The following RREB1 variants were observed in gnomAD, a reference collection of about 807,000 sequenced individuals.
The protein encoded by RREB1 is ras-responsive element-binding protein 1.
In RREB1, 27 loss-of-function variants were observed where a neutral mutation model predicts 117.8. The observed-to-expected ratio is 0.23, with a 90% CI of 0.17 to 0.32. The LOEUF (loss-of-function observed/expected upper bound fraction) is 0.32, where lower values mean the gene tolerates loss of function less well. RREB1 is among the 10% of genes least tolerant of loss of function. The probability of loss-of-function intolerance (pLI) is 1.00; values close to 1 mark genes in which losing one functional copy is unlikely to be tolerated. For missense variants in RREB1, 2,577 were observed against 2,378.2 expected (o/e 1.08, Z -1.74); for synonymous variants, 1,298 against 1,026.7 (o/e 1.26, Z -5.05).
At chr6:7,215,707 GTA>G (rs1766858993) in intron 8 of RREB1, 1 of 152,200 alleles carries the variant, frequency 6.6e-6, no homozygotes, top group South Asian at 2.1e-4. Flanking sequence ...GAGTATACCA[GTA>G]TCATCAAAAT....
chr6:7,225,075 G>C (rs566080393), intron 8 of RREB1, among the ~76,000 whole-genome samples: 1 of 152,178 alleles, frequency 6.6e-6, no homozygotes, highest in Admixed American at 6.5e-5. Flanking sequence ...CAGCTGCTTC[G>C]TGGCTGACTT....
At chr6:7,108,406 C>T (rs1561717968) in intron 1 of RREB1, among the ~76,000 whole-genome samples, 1 of 152,040 alleles carries the variant, frequency 6.6e-6, no homozygotes, top group Non-Finnish European at 1.5e-5. Context: ...GCGCGAGCCG[C>T]CGCAGCGCCC....
At chr6:7,242,648 C>CT (rs1561806223) in intron 11 of RREB1, among the ~76,000 whole-genome samples, 2 of 151,326 alleles carry the variant, frequency 1.3e-5, no homozygotes, top group African/African-American at 2.4e-5. Context: ...GGGTTCCCCC[C>CT]CCCCAGTGAA....
chr6:7,159,768 C>G (rs1763557717), intron 1 of RREB1, among the ~76,000 whole-genome samples: 1 of 152,176 alleles, frequency 6.6e-6, no homozygotes. Flanking sequence ...AGGATTAAAT[C>G]TGCTGAGGGT....
At chr6:7,223,223 C>A (rs1353925165) in intron 8 of RREB1, among the ~76,000 whole-genome samples, 1 of 144,526 alleles carries the variant, frequency 6.9e-6, no homozygotes, top group African/African-American at 2.6e-5. Flanking sequence ...TGCCACTGCA[C>A]TGCAGCCTGG....
chr6:7,231,425 C>G lies in RREB1; in HGVS notation c.3326C>G (p.Pro1109Arg). The change falls in exon 10 of 13, where the codon CCC becomes CGC. Residue 1109 changes from proline (P) to arginine (R), a missense_variant. Transcript: ENST00000379938. ...TCAGACAGCTTAGGAGGTTCTGTCC[C>G]CAAAGCCGCCACCACCGCCACCCCC... Reference protein sequence around the residue: ...TASDSLGGSVPKAATTATPAA... With the variant: ...TASDSLGGSVRKAATTATPAA... 6.2e-7 allele frequency: 1 copy of G among 1,613,272 alleles called. No homozygotes were observed. The highest frequency in any genetic ancestry group is 8.5e-7 in the Non-Finnish European group (1 of 1,179,874).
Position 7,164,372 on chromosome 6 carries a change from CTCCTT to C in RREB1, c.-284-12277_-284-12273del, listed in dbSNP as rs143745299. Among the ~76,000 whole-genome samples the C allele has an allele frequency of 3.5e-3, 530 of 152,314 alleles. 4 individuals carry two copies. Among genetic ancestry groups the C allele is most frequent in the African/African-American group, 0.012 (509 of 41,566 alleles). On this transcript the variant is annotated intron_variant, in intron 1 of 12. Coordinates refer to ENST00000379938, the MANE Select transcript of RREB1 (RefSeq NM_001003699.4). ...GGTAGGTATTTGGGCAAGGAAATTT[CTCCTT>C]TCCTTAATTGATTTTAGGAAGATCT...
intron 12 of RREB1, among the ~76,000 whole-genome samples, chr6:7,247,877 G>A (rs1581602048): frequency 6.6e-6 from 1 of 152,168 alleles, no homozygotes; most frequent in South Asian, 2.1e-4. Flanking sequence ...AAAATAACCT[G>A]TCCCTCCTCT....
intron 11 of RREB1, among the ~76,000 whole-genome samples, chr6:7,245,387 T>C (rs1274911915): frequency 6.6e-6 from 1 of 152,146 alleles, no homozygotes; most frequent in East Asian, 1.9e-4. Context: ...AAGGCGAAAC[T>C]CCGTCTTGAA....
intron 1 of RREB1, among the ~76,000 whole-genome samples, chr6:7,145,658 T>C (rs181471935): frequency 6.6e-6 from 1 of 151,826 alleles, no homozygotes; most frequent in Non-Finnish European, 1.5e-5. Context: ...GATTAACCTA[T>C]TTTGCAGGGT....
intron 10 of RREB1, among the ~76,000 whole-genome samples, chr6:7,235,300 T>C (rs1768249867): frequency 6.6e-6 from 1 of 152,178 alleles, no homozygotes; most frequent in African/African-American, 2.4e-5. Flanking sequence ...AGACCTGATC[T>C]TTCTCCTGGT....
chr6:7,184,663 G>C (rs973768698), intron 4 of RREB1: 1 of 152,080 alleles, frequency 6.6e-6, no homozygotes, highest in African/African-American at 2.4e-5. Context: ...GCCAGCCTCA[G>C]AGAAGGCTGG....
intron 6 of RREB1, among the ~76,000 whole-genome samples, chr6:7,199,249 G>T (rs1000016500): frequency 6.6e-6 from 1 of 152,142 alleles, no homozygotes; most frequent in Non-Finnish European, 1.5e-5. Context: ...TTTAGTGGGG[G>T]TAACGTTTAC....
intron 1 of RREB1, among the ~76,000 whole-genome samples, chr6:7,156,320 A>G (rs1302430572): frequency 1.3e-5 from 2 of 152,156 alleles, no homozygotes; most frequent in African/African-American, 4.8e-5. Flanking sequence ...TAATTGAGGT[A>G]AATCTCGAGT....
intron 1 of RREB1, among the ~76,000 whole-genome samples, chr6:7,165,076 C>T (rs545134143): frequency 7.9e-5 from 12 of 152,206 alleles, no homozygotes; most frequent in Non-Finnish European, 1.0e-4. Flanking sequence ...AAGCATTGGC[C>T]TCTCACACAC....
At chr6:7,246,276 A>G in intron 11 of RREB1, 148 bp from the exon 12 acceptor site, 1 of 608,896 alleles carries the variant, frequency 1.6e-6, no homozygotes, top group Non-Finnish European at 2.6e-6. Context: ...GGGATGTAAC[A>G]GGTGGTGAGG....
intron 1 of RREB1, among the ~76,000 whole-genome samples, chr6:7,142,235 G>A (rs1581441468): frequency 6.9e-6 from 1 of 144,670 alleles, no homozygotes; most frequent in African/African-American, 2.7e-5. Flanking sequence ...AAAAAAAAAA[G>A]GCTATTTTCT....
At chr6:7,204,263 G>A (rs1766148846) in intron 6 of RREB1, among the ~76,000 whole-genome samples, 1 of 152,092 alleles carries the variant, frequency 6.6e-6, no homozygotes, top group Non-Finnish European at 1.5e-5. Flanking sequence ...TACAGGTGGG[G>A]CCACACCAGG....
intron 6 of RREB1, among the ~76,000 whole-genome samples, chr6:7,192,116 A>ATTT (rs34074532): frequency 6.5e-5 from 1 of 15,318 alleles, no homozygotes; most frequent in African/African-American, 3.0e-4. Flanking sequence ...TTGTCAGATG[A>ATTT]TTTTTTTTTT....
Sources: allele counts gnomAD v4.1 joint callset (sites outside exome capture counted in the v4.1 genomes callset), GRCh38; gene constraint gnomAD v4.1.1; transcripts MANE v1.5; gene names NCBI Gene and HGNC (gene_info 2026-07-23, HGNC 2026-07-21).